LAMB1: variants seen among roughly 807,000 people sequenced by gnomAD.
LAMB1 encodes the protein laminin subunit beta-1.
A neutral mutation model predicts 222.3 loss-of-function variants in LAMB1; 121 were observed. The ratio of observed to expected loss-of-function variants is 0.54; its 90% CI spans 0.47 to 0.63. The LOEUF is 0.63. Among genes scored for constraint, LAMB1 ranks in the 30% least tolerant of loss-of-function variants. The probability of loss-of-function intolerance (pLI) is 0.00; values close to 1 mark genes in which losing one functional copy is unlikely to be tolerated. For synonymous variants in LAMB1, 794 were observed against 807.2 expected (o/e 0.98, Z 0.28); for missense variants, 2,172 against 2,240.8 (o/e 0.97, Z 0.62).
chr7:107,926,511 C>G (rs772804248), intron 31 of LAMB1, 152 bp from the exon 32 acceptor site: 3 of 610,232 alleles, frequency 4.9e-6, no homozygotes, highest in African/African-American at 1.8e-5. Context: ...GGAAAAGTTA[C>G]ATGAAGTATC....
intron 24 of LAMB1, chr7:107,942,883 A>T (rs1248933060): frequency 6.6e-6 from 1 of 152,230 alleles, no homozygotes; most frequent in Non-Finnish European, 1.5e-5. Context: ...TTATTCAAAA[A>T]TTTGAAGTTT....
chr7:107,940,198 A>G lies in LAMB1; in HGVS notation c.3552T>C (p.Ala1184=), dbSNP rs201748915. The G allele has an allele frequency of 6.9e-5, 112 of 1,614,048 alleles. No homozygotes were observed. Among genetic ancestry groups the G allele is most frequent in the Non-Finnish European group, 9.0e-5 (106 of 1,180,040 alleles). ...PDCTPCHQCF[A]LWDVIIAELT... The stretch of plus-strand genomic sequence containing the variant: ...GCTCGGCAATGATCACATCCCAGAG[A>G]GCAAAGCACTGGTGGCAGGGTGTGC... Residue 1184 remains alanine, a synonymous_variant, in exon 25 of 34, where the codon GCT becomes GCC. Transcript: ENST00000222399.
intron 5 of LAMB1, among the ~76,000 whole-genome samples, chr7:107,988,859 C>T (rs1018552766): frequency 6.6e-6 from 1 of 152,156 alleles, no homozygotes; most frequent in Non-Finnish European, 1.5e-5. Flanking sequence ...AACACCTTAC[C>T]CTGAGATTCC....
intron 25 of LAMB1, among the ~76,000 whole-genome samples, chr7:107,939,424 T>C (rs982585885): frequency 6.6e-6 from 1 of 152,168 alleles, no homozygotes; most frequent in African/African-American, 2.4e-5. Flanking sequence ...GGTGGACTAA[T>C]GGCGGAGAAG....
At chr7:107,944,105 T>C (rs1176243324) in intron 24 of LAMB1, among the ~76,000 whole-genome samples, 1 of 152,242 alleles carries the variant, frequency 6.6e-6, no homozygotes, top group African/African-American at 2.4e-5. Context: ...TAGACAATTA[T>C]TTCTTTCCCA....
intron 28 of LAMB1, 27 bp from the exon 29 acceptor site, chr7:107,931,527 G>A: frequency 6.2e-7 from 1 of 1,604,830 alleles, no homozygotes. Context: ...AATTACCCAG[G>A]GAAGACTTTC....
intron 13 of LAMB1, among the ~76,000 whole-genome samples, chr7:107,967,790 C>T (rs1352998150): frequency 6.6e-6 from 1 of 152,094 alleles, no homozygotes; most frequent in East Asian, 1.9e-4. Flanking sequence ...TCTTCAAGAA[C>T]TTACAGTCTA....
chr7:107,954,782 C>A (rs1584503316), intron 21 of LAMB1, among the ~76,000 whole-genome samples: 1 of 152,194 alleles, frequency 6.6e-6, no homozygotes, highest in Non-Finnish European at 1.5e-5. Flanking sequence ...CAGAGTGAGA[C>A]CCCGTCTCAA....
rs142803003 is a variant in LAMB1, at chr7:107,994,937, G to C, written c.373C>G (p.Leu125Val). Residue 125 changes from leucine (L) to valine (V), a missense_variant, in exon 5 of 34, where the codon CTG (leucine) becomes GTG (valine). Coordinates refer to ENST00000222399, the MANE Select transcript of LAMB1 (RefSeq NM_002291.3). ...ENGVENVTIQ[L>V]DLEAEFHFTH... ...AAATGGAATTCTGCTTCCAAATCCA[G>C]TTGGATAGTTACATTTTCCACACCT... 7 of 1,598,800 alleles carry C rather than the reference G, an allele frequency of 4.4e-6. No homozygotes were observed. The highest frequency in any genetic ancestry group is 6.0e-6 in the Non-Finnish European group (7 of 1,167,090).
At chr7:107,938,025 G>C (rs1475336768) in intron 25 of LAMB1, among the ~76,000 whole-genome samples, 3 of 151,968 alleles carry the variant, frequency 2.0e-5, no homozygotes, top group African/African-American at 4.8e-5. Context: ...GCACATGCGA[G>C]TGTGCTCCAG....
intron 7 of LAMB1, 24 bp from the exon 8 acceptor site, chr7:107,980,835 A>G (rs1314401103): frequency 6.7e-7 from 1 of 1,485,236 alleles, no homozygotes; most frequent in South Asian, 1.1e-5. Flanking sequence ...CAAGAAGATG[A>G]AAAGTCTGAT....
chr7:107,951,873 T>C, intron 23 of LAMB1, 136 bp downstream of exon 23: 1 of 711,646 alleles, frequency 1.4e-6, no homozygotes, highest in Non-Finnish European at 2.4e-6. Context: ...AGCCAAGGGG[T>C]ACAAATGAGG....
At chr7:107,934,966 T>G (rs2032805027) in intron 27 of LAMB1, among the ~76,000 whole-genome samples, 1 of 149,846 alleles carries the variant, frequency 6.7e-6, no homozygotes, top group Admixed American at 6.6e-5. Flanking sequence ...ATCCCAGCAC[T>G]TTGGGAGGAG....
At chr7:107,925,573 G>A (rs2032543261) in intron 32 of LAMB1, among the ~76,000 whole-genome samples, 2 of 152,126 alleles carry the variant, frequency 1.3e-5, no homozygotes, top group Non-Finnish European at 2.9e-5. Flanking sequence ...GCGCCACCAA[G>A]TTTTTAATGT....
chr7:107,947,984 T>C (rs2033154978), intron 24 of LAMB1, among the ~76,000 whole-genome samples: 1 of 16,174 alleles, frequency 6.2e-5, no homozygotes, highest in African/African-American at 2.3e-4. Context: ...CTTCTTCTTC[T>C]TTTTTTTTTT....
rs2033272693 is a variant in LAMB1 at position 107,952,228 on chromosome 7, A to G, written c.3080-5T>C. ...CCAGGTAATTACAGACACACTCTGC[A>G]AAAGAACATCACATTTACTTATTGT... On this transcript the variant is annotated splice_region_variant and splice_polypyrimidine_tract_variant and intron_variant, in intron 22 of 33. Transcript: ENST00000222399. The G allele has an allele frequency of 6.3e-7, 1 of 1,588,220 alleles. No homozygotes were observed. The highest frequency in any genetic ancestry group is 1.1e-5 in the South Asian group (1 of 89,350).
intron 33 of LAMB1, 40 bp from the exon 34 acceptor site, chr7:107,924,127 T>C (rs778981714): frequency 2.0e-5 from 30 of 1,525,018 alleles, no homozygotes; most frequent in Non-Finnish European, 2.4e-5. Flanking sequence ...GAGCAATTTA[T>C]ACTATGATGA....
rs763223566 is a variant in LAMB1, at chr7:108,002,239, G to A, written c.38-506C>T. On this transcript the variant is annotated intron_variant, in intron 2 of 33. Coordinates refer to ENST00000222399, the MANE Select transcript of LAMB1 (RefSeq NM_002291.3). ...AGTGCGTGTGCGTGCACGCGCGAGGGTCACCGGCGCTTCGCTGGGGACGAG... is the reference window on the plus strand; with the variant it reads ...AGTGCGTGTGCGTGCACGCGCGAGGATCACCGGCGCTTCGCTGGGGACGAG... The A allele has an allele frequency of 1.1e-5, 15 of 1,318,632 alleles. No homozygotes were observed. In the East Asian group the frequency reaches 5.0e-4, roughly 44 times the overall value. 81.7% of individuals were successfully genotyped at this position (1,318,632 alleles called of 1,614,324 possible). A position where few individuals can be genotyped will look rare whatever the true frequency, so the allele number is the denominator to read the frequency against.
intron 9 of LAMB1, among the ~76,000 whole-genome samples, chr7:107,976,673 G>A (rs1199650642): frequency 6.6e-6 from 1 of 152,160 alleles, no homozygotes; most frequent in Non-Finnish European, 1.5e-5. Context: ...GCCCAACAGA[G>A]TACTGCTCTC....
Sources: gnomAD v4.1 joint callset for allele counts (sites outside exome capture counted in the v4.1 genomes callset) on GRCh38, gnomAD v4.1.1 for gene constraint, MANE v1.5 for transcripts, NCBI Gene and HGNC (gene_info 2026-07-23, HGNC 2026-07-21) for gene names.